PCDHGA9: variants seen among roughly 807,000 people sequenced by gnomAD.
PCDHGA9 encodes protocadherin gamma subfamily A, 9.
PCDHGA9 carries 37 observed loss-of-function variants against 62.5 expected under a neutral mutation model. The ratio of observed to expected loss-of-function variants is 0.59; its 90% CI spans 0.46 to 0.78. The LOEUF (loss-of-function observed/expected upper bound fraction) is 0.78. PCDHGA9 is among the 30% of genes least tolerant of loss of function. PCDHGA9 has a pLI of 0.00. For synonymous variants in PCDHGA9, 459 were observed against 484.6 expected, an observed-to-expected ratio of 0.95 and a Z score of 0.69; for missense variants, 1,138 against 1,166.2, an observed-to-expected ratio of 0.98 and a Z score of 0.35.
At position 141,402,910 on chromosome 5, in the gene PCDHGA9, G is replaced by A; in HGVS notation, c.-43G>A. Reference sequence around the variant, plus strand: ...GGAAGAAAGAACCTGATGAAGCAGCGCGCACAGAGATCCTTTTGAGAAAAT... The same window carrying A: ...GGAAGAAAGAACCTGATGAAGCAGCACGCACAGAGATCCTTTTGAGAAAAT... On this transcript the variant is annotated 5_prime_UTR_variant, in exon 1 of 4. Transcript: ENST00000573521. 1.3e-6 allele frequency: 2 copies of A among 1,549,722 alleles called. No individual in the cohort carries two copies. The highest frequency in any genetic ancestry group is 1.7e-6 in the Non-Finnish European group (2 of 1,148,480).
intron 3 of PCDHGA9, 125 bp downstream of exon 3, chr5:141,505,606 C>G: frequency 6.5e-7 from 1 of 1,528,642 alleles, no homozygotes; most frequent in Non-Finnish European, 8.8e-7. Flanking sequence ...TTCGGCAGGT[C>G]TGAAAGGACC....
chr5:141,473,700 C>G (rs1474416849), intron 1 of PCDHGA9, among the ~76,000 whole-genome samples: 1 of 152,148 alleles, frequency 6.6e-6, no homozygotes, highest in Non-Finnish European at 1.5e-5. Context: ...GACCACCCTC[C>G]AAGTGGTGCA....
intron 1 of PCDHGA9, among the ~76,000 whole-genome samples, chr5:141,444,732 A>G (rs2098445644): frequency 6.6e-6 from 1 of 152,194 alleles, no homozygotes; most frequent in Admixed American, 6.6e-5. Context: ...CTTTGTTGAA[A>G]GTCATTTCAC....
intron 1 of PCDHGA9, chr5:141,423,577 G>A (rs1348410879): frequency 6.2e-7 from 1 of 1,613,478 alleles, no homozygotes; most frequent in Non-Finnish European, 8.5e-7. Context: ...CATCAGCCAG[G>A]AGAGCTGTGA....
At position 141,476,632 on chromosome 5, in the gene PCDHGA9, T is replaced by A. The variant is rs994726301; in HGVS notation, c.2425-18175T>A. ...TGGGAAGCAACTCTTTACAAACCTATGAGCTGAGCCGAAATGAATACTTTG... is the reference window on the plus strand; with the variant it reads ...TGGGAAGCAACTCTTTACAAACCTAAGAGCTGAGCCGAAATGAATACTTTG... On this transcript the variant is annotated intron_variant, in intron 1 of 3. Transcript: ENST00000573521. The surrounding 1 kb of genome is among the most constrained non-coding windows in gnomAD (Gnocchi z 7.6). 1 of 1,614,216 alleles carries A rather than the reference T, an allele frequency of 6.2e-7. No individual in the cohort carries two copies. The highest frequency in any genetic ancestry group is 8.5e-7 in the Non-Finnish European group (1 of 1,180,028).
chr5:141,465,429 A>G (rs1191638112), intron 1 of PCDHGA9, among the ~76,000 whole-genome samples: 2 of 152,316 alleles, frequency 1.3e-5, no homozygotes, highest in East Asian at 3.9e-4. Context: ...AAAGGTGGGC[A>G]CTTAATGATT....
Position 141,431,168 on chromosome 5 carries a change from G to A in PCDHGA9, c.2424+25792G>A, listed in dbSNP as rs779778442. On this transcript the variant is annotated intron_variant, in intron 1 of 3. Coordinates refer to ENST00000573521, the MANE Select transcript of PCDHGA9 (RefSeq NM_018921.3). This position sits in a 1 kb window ranked among gnomAD's most constrained non-coding sequence, Gnocchi z 4.8. Reference sequence around the variant, plus strand: ...CAATGCGCCTTACTTTCGTGAAAGTGAATTAGAAATAAAAATTAGTGAAAA... The same window carrying A: ...CAATGCGCCTTACTTTCGTGAAAGTAAATTAGAAATAAAAATTAGTGAAAA... The A allele has an allele frequency of 9.9e-6, 16 of 1,614,206 alleles. No individual in the cohort carries two copies. The Admixed American group carries it at 1.2e-4, about 12-fold the overall frequency.
intron 1 of PCDHGA9, among the ~76,000 whole-genome samples, chr5:141,430,226 T>C (rs1331325242): frequency 6.9e-6 from 1 of 144,216 alleles, no homozygotes; most frequent in Admixed American, 7.0e-5. Context: ...ATATGATTTG[T>C]CAAAAAGAGA....
intron 1 of PCDHGA9, among the ~76,000 whole-genome samples, chr5:141,454,120 T>C (rs956675583): frequency 6.6e-5 from 10 of 152,228 alleles, no homozygotes; most frequent in African/African-American, 2.4e-4. Context: ...ATAGAAGAAA[T>C]AGCTGACCAT....
chr5:141,409,258 C>G (rs2095247947), intron 1 of PCDHGA9: 2 of 1,613,918 alleles, frequency 1.2e-6, no homozygotes, highest in Non-Finnish European at 8.5e-7. Flanking sequence ...TCACTTCTCT[C>G]TCTGATCAGA....
rs946798767 is a variant in PCDHGA9 at position 141,438,591 on chromosome 5, C to CATATAT, written c.2424+33255_2424+33260dup. Among the ~76,000 whole-genome samples the CATATAT allele has an allele frequency of 1.5e-3, 111 of 75,470 alleles. 1 individual carries two copies. Among genetic ancestry groups the CATATAT allele is most frequent in the Non-Finnish European group, 2.3e-3 (84 of 37,244 alleles). 49.5% of individuals were successfully genotyped at this position (75,470 alleles called of 152,430 possible). A position where few individuals can be genotyped will look rare whatever the true frequency, so the allele number is the denominator to read the frequency against. ...TCTGATATACATACATACATACATA[C>CATATAT]ATATATATATATATATATATATATA... On this transcript the variant is annotated intron_variant, in intron 1 of 3. Transcript: ENST00000573521.
In PCDHGA9 at chr5:141,511,070, G is replaced by A. The variant is rs1341623011; in HGVS notation, c.2696G>A (p.Gly899Asp). ...PDYRQNVYIP[G>D]SNATLTNAAG... ...TACCGCCAGAATGTCTACATCCCAG[G>A]CAGCAATGCCACACTGACCAACGCA... The change falls in exon 4 of 4, where the codon GGC (glycine) becomes GAC (aspartate). Residue 899 changes from glycine to aspartate, a missense_variant. Physicochemically the swap from Gly to Asp is moderately conservative, Grantham distance 94 (BLOSUM62 -1). Transcript: ENST00000573521. 2.5e-6 allele frequency: 4 copies of A among 1,614,218 alleles called. No homozygotes were observed. Among genetic ancestry groups the A allele is most frequent in the Admixed American group, 1.7e-5 (1 of 60,030 alleles).
intron 1 of PCDHGA9, among the ~76,000 whole-genome samples, chr5:141,461,819 A>G (rs573339238): frequency 1.3e-5 from 2 of 149,282 alleles, no homozygotes; most frequent in African/African-American, 2.5e-5. Flanking sequence ...ACACCCAGCT[A>G]ATTTTTTTTT....
At chr5:141,436,738 G>T (rs1207400781) in intron 1 of PCDHGA9, among the ~76,000 whole-genome samples, 2 of 152,306 alleles carry the variant, frequency 1.3e-5, no homozygotes, top group South Asian at 2.1e-4. Context: ...AATGATTTTT[G>T]TGTGCTTCTC....
intron 1 of PCDHGA9, among the ~76,000 whole-genome samples, chr5:141,439,449 G>A (rs761506247): frequency 4.6e-5 from 7 of 152,184 alleles, no homozygotes; most frequent in Admixed American, 3.9e-4. Context: ...TATTGCGGGA[G>A]CAAGACTGCA....
rs778209794 is a variant in PCDHGA9 at position 141,408,298 on chromosome 5, G to C, written c.2424+2922G>C. The C allele has an allele frequency of 4.3e-6, 7 of 1,613,586 alleles. No homozygotes were observed. The Admixed American group carries it at 5.0e-5, about 12-fold the overall frequency. ...TGTTCTACCCCACCCTGAGTGAGCCGATCCGCTACTCGATTCCGGAGGAGC... is the reference window on the plus strand; with the variant it reads ...TGTTCTACCCCACCCTGAGTGAGCCCATCCGCTACTCGATTCCGGAGGAGC... On this transcript the variant is annotated intron_variant, in intron 1 of 3. Coordinates refer to ENST00000573521, the MANE Select transcript of PCDHGA9 (RefSeq NM_018921.3).
At position 141,491,823 on chromosome 5, in the gene PCDHGA9, C is replaced by G; in HGVS notation, c.2425-2984C>G. Reference sequence around the variant, plus strand: ...GCCGGCTTGGTCGCTGGCTGCGCTCCACCCGATTCTCGGGATCATTGGACC... The same window carrying G: ...GCCGGCTTGGTCGCTGGCTGCGCTCGACCCGATTCTCGGGATCATTGGACC... On this transcript the variant is annotated intron_variant, in intron 1 of 3. Transcript: ENST00000573521. The surrounding 1 kb of genome is among the most constrained non-coding windows in gnomAD (Gnocchi z 6.9). The G allele has an allele frequency of 6.8e-7, 1 of 1,479,156 alleles. No individual in the cohort carries two copies. Among genetic ancestry groups the G allele is most frequent in the Non-Finnish European group, 9.0e-7 (1 of 1,115,292 alleles). 91.6% of individuals were successfully genotyped at this position (1,479,156 alleles called of 1,614,324 possible). A position where few individuals can be genotyped will look rare whatever the true frequency, so the allele number is the denominator to read the frequency against.
At chr5:141,500,469 AAAG>A (rs1479386829) in intron 2 of PCDHGA9, among the ~76,000 whole-genome samples, 1 of 152,052 alleles carries the variant, frequency 6.6e-6, no homozygotes, top group Non-Finnish European at 1.5e-5. Context: ...TCGGCCTCCC[AAAG>A]TGCTGGGATT....
chr5:141,486,456 C>G lies in PCDHGA9; in HGVS notation c.2425-8351C>G. ...AGCTATGACATCATGGTCACTGCTT[C>G]TGATGCTGGGAACCCTCCTCTCAGT... is the stretch of plus-strand genomic sequence containing the variant. On this transcript the variant is annotated intron_variant, in intron 1 of 3. Transcript: ENST00000573521. The surrounding 1 kb of genome is among the most constrained non-coding windows in gnomAD (Gnocchi z 5.0). The G allele has an allele frequency of 1.9e-6, 3 of 1,614,052 alleles. No homozygotes were observed. In the South Asian group the frequency reaches 3.3e-5, roughly 18 times the overall value.
Sources: allele counts gnomAD v4.1 joint callset (sites outside exome capture counted in the v4.1 genomes callset), GRCh38; gene constraint gnomAD v4.1.1; non-coding constraint Gnocchi (gnomAD v3.1); transcripts MANE v1.5; gene names NCBI Gene and HGNC (gene_info 2026-07-23, HGNC 2026-07-21).